The following TNR variants were observed in gnomAD, a reference collection of about 807,000 sequenced individuals.
TNR encodes tenascin R.
In TNR, 45 loss-of-function variants were observed where a neutral mutation model predicts 150.4. The ratio of observed to expected loss-of-function variants is 0.30; its 90% CI spans 0.24 to 0.38. TNR has a LOEUF of 0.38. Among genes scored for constraint, TNR ranks in the 10% least tolerant of loss-of-function variants. The pLI, the probability that TNR is intolerant of heterozygous loss-of-function variation, is 1.00. For missense variants in TNR, 1,544 were observed against 1,759.1 expected, an observed-to-expected ratio of 0.88 and a Z score of 2.19; for synonymous variants, 687 against 678.4, an observed-to-expected ratio of 1.01 and a Z score of -0.20.
intron 1 of TNR, among the ~76,000 whole-genome samples, chr1:175,632,151 A>G (rs1664347391): frequency 6.6e-6 from 1 of 152,232 alleles, no homozygotes; most frequent in Admixed American, 6.5e-5. Context: ...GGGCCATTTA[A>G]TGAGGATACT....
At chr1:175,474,490 G>A (rs1657457884) in intron 2 of TNR, among the ~76,000 whole-genome samples, 1 of 152,176 alleles carries the variant, frequency 6.6e-6, no homozygotes, top group South Asian at 2.1e-4. Flanking sequence ...AGGGAGAAAA[G>A]ACATTTCTGT....
chr1:175,353,851 A>ATTTTTTTTTTTTT (rs55981326), intron 18 of TNR, among the ~76,000 whole-genome samples: 8 of 146,132 alleles, frequency 5.5e-5, no homozygotes, highest in African/African-American at 2.0e-4. Context: ...ATTTTTATTT[A>ATTTTTTTTTTTTT]TTTTTTTTTT....
intron 2 of TNR, among the ~76,000 whole-genome samples, chr1:175,445,944 G>C (rs547512556): frequency 2.6e-5 from 4 of 152,206 alleles, no homozygotes; most frequent in Admixed American, 1.3e-4. Context: ...AATTTCATTC[G>C]AGCCATTATG....
intron 1 of TNR, among the ~76,000 whole-genome samples, chr1:175,734,241 C>A (rs1221979646): frequency 6.6e-6 from 1 of 152,146 alleles, no homozygotes; most frequent in Non-Finnish European, 1.5e-5. Flanking sequence ...CTGAAATTCC[C>A]AAAAAATGAG....
chr1:175,520,344 G>T (rs116766450), intron 2 of TNR, among the ~76,000 whole-genome samples: 2 of 152,174 alleles, frequency 1.3e-5, no homozygotes, highest in Non-Finnish European at 2.9e-5. Flanking sequence ...GCAGAGAAGC[G>T]TGGCACTCCC....
chr1:175,336,979 G>A (rs761269381), intron 19 of TNR, among the ~76,000 whole-genome samples: 26 of 152,118 alleles, frequency 1.7e-4, no homozygotes, highest in Non-Finnish European at 2.2e-4. Flanking sequence ...TACAACGTCC[G>A]CCTCCCAGGT....
chr1:175,551,312 G>T (rs1211380591), intron 1 of TNR, among the ~76,000 whole-genome samples: 1 of 152,200 alleles, frequency 6.6e-6, no homozygotes, highest in African/African-American at 2.4e-5. Flanking sequence ...AAGTGTGAGG[G>T]AGGGATAATT....
intron 1 of TNR, among the ~76,000 whole-genome samples, chr1:175,677,953 C>T (rs897709573): frequency 1.4e-5 from 2 of 147,050 alleles, no homozygotes; most frequent in African/African-American, 5.0e-5. Flanking sequence ...TAAGTGCCAG[C>T]AGGAATGAGT....
Position 175,412,682 on chromosome 1 carries a change from T to C in TNR, c.-63-5905A>G, listed in dbSNP as rs561345543. Among the ~76,000 whole-genome samples, 6 of 152,226 alleles carry C rather than the reference T, an allele frequency of 3.9e-5. No individual in the cohort carries two copies. The South Asian group carries it at 1.0e-3, about 26-fold the overall frequency. On this transcript the variant is annotated intron_variant, in intron 2 of 22. Transcript: ENST00000367674. ...CCAGCTCCACCCAAGGGATGGATGA[T>C]AATCCATCCCTTGTCACACCACCAT... is the stretch of plus-strand genomic sequence containing the variant.
intron 1 of TNR, among the ~76,000 whole-genome samples, chr1:175,622,483 G>A (rs948771870): frequency 2.6e-5 from 4 of 152,066 alleles, no homozygotes; most frequent in Non-Finnish European, 2.9e-5. Context: ...GCTTTCTTCC[G>A]CAGGCATTTG....
intron 1 of TNR, among the ~76,000 whole-genome samples, chr1:175,582,801 C>T (rs1340430343): frequency 6.6e-6 from 1 of 152,090 alleles, no homozygotes; most frequent in Non-Finnish European, 1.5e-5. Context: ...GGAACCTTTA[C>T]AAGGTGATTA....
chr1:175,366,023 G>A lies in TNR; in HGVS notation c.2169C>T (p.Ser723=). The part of the protein sequence containing the change: ...IDHYRITFTP[S]SGIASEVTVP... Reference sequence around the variant, plus strand: ...CGGTGACTTCTGAGGCAATCCCAGAGGATGGGGTAAAGGTAATTCGGTAGT... The same window carrying A: ...CGGTGACTTCTGAGGCAATCCCAGAAGATGGGGTAAAGGTAATTCGGTAGT... Residue 723 remains serine, a synonymous_variant, in exon 11 of 23, where the codon TCC becomes TCT. Transcript: ENST00000367674. 6.2e-7 allele frequency: 1 copy of A among 1,614,174 alleles called. No homozygotes were observed.
chr1:175,628,482 T>C (rs1388246265), intron 1 of TNR, among the ~76,000 whole-genome samples: 1 of 151,938 alleles, frequency 6.6e-6, no homozygotes, highest in Non-Finnish European at 1.5e-5. Context: ...ACCTGCACAT[T>C]GTGCACGTGT....
Position 175,335,746 on chromosome 1 carries a change from A to C in TNR, c.3596T>G (p.Val1199Gly). The change falls in exon 20 of 23, where the codon GTT (valine) becomes GGT (glycine). Residue 1199 changes from valine to glycine, a missense_variant. Physicochemically the swap from Val to Gly is moderately radical, Grantham distance 109. Transcript: ENST00000367674. ...DFFRKWADYR[V>G]GFGNVEDEFW... ...CTCATCCTCCACGTTCCCGAAGCCA[A>C]CACGGTAATCAGCCCATTTCCGGAA... is the stretch of plus-strand genomic sequence containing the variant. 1 of 1,614,228 alleles carries C rather than the reference A, an allele frequency of 6.2e-7. No individual in the cohort carries two copies. The highest frequency in any genetic ancestry group is 8.5e-7 in the Non-Finnish European group (1 of 1,180,026).
intron 1 of TNR, among the ~76,000 whole-genome samples, chr1:175,736,892 A>G (rs1667787188): frequency 6.6e-6 from 1 of 151,918 alleles, no homozygotes; most frequent in African/African-American, 2.4e-5. Context: ...ATGTAGGTAC[A>G]TGCCTGTAGT....
In TNR at chr1:175,692,573, G is replaced by A. The variant is rs759367782; in HGVS notation, c.-165+50653C>T. On this transcript the variant is annotated intron_variant, in intron 1 of 22. Coordinates refer to ENST00000367674, the MANE Select transcript of TNR (RefSeq NM_003285.3). ...TAAACAAGTAAGCTCATTTTCCCACGTACAGTTGAGAGAACACCATGGGCA... is the reference window on the plus strand; with the variant it reads ...TAAACAAGTAAGCTCATTTTCCCACATACAGTTGAGAGAACACCATGGGCA... 1.5e-4 allele frequency among the ~76,000 whole-genome samples: 23 copies of A among 152,254 alleles called. 1 individual carries two copies. Among genetic ancestry groups the A allele is most frequent in the Admixed American group, 1.0e-3 (16 of 15,296 alleles).
intron 1 of TNR, among the ~76,000 whole-genome samples, chr1:175,543,104 C>T (rs952778385): frequency 3.3e-5 from 5 of 152,036 alleles, no homozygotes; most frequent in Admixed American, 6.6e-5. Context: ...CATTTTGCAC[C>T]GGGCCCTGCA....
intron 1 of TNR, among the ~76,000 whole-genome samples, chr1:175,740,501 G>C (rs635415): frequency 0.069 from 10,470 of 152,050 alleles, 505 homozygotes; most frequent in Non-Finnish European, 0.1. Flanking sequence ...ATGGAGAATA[G>C]GGCAGAACAG....
chr1:175,654,514 G>A (rs1254315638), intron 1 of TNR, among the ~76,000 whole-genome samples: 2 of 151,982 alleles, frequency 1.3e-5, no homozygotes, highest in African/African-American at 4.8e-5. Flanking sequence ...TCCAGCTCAC[G>A]GCAATGAGTA....
Sources: gnomAD v4.1 joint callset for allele counts (sites outside exome capture counted in the v4.1 genomes callset) on GRCh38, gnomAD v4.1.1 for gene constraint, MANE v1.5 for transcripts, NCBI Gene and HGNC (gene_info 2026-07-23, HGNC 2026-07-21) for gene names.